NINL: variants seen among roughly 807,000 people sequenced by gnomAD.
NINL encodes ninein like, also known as ninein-like protein.
A neutral mutation model predicts 160.3 loss-of-function variants in NINL; 153 were observed. The observed-to-expected ratio is 0.95, with a 90% confidence interval of 0.84 to 1.09. NINL has a LOEUF of 1.09. Among genes scored for constraint, NINL ranks in the 50% least tolerant of loss-of-function variants. The pLI is 0.00. For missense variants in NINL, 1,829 were observed against 1,764.0 expected (o/e 1.04, Z -0.66); for synonymous variants, 800 against 734.8 (o/e 1.09, Z -1.43).
intron 11 of NINL, among the ~76,000 whole-genome samples, chr20:25,490,588 G>C (rs969925575): frequency 6.6e-6 from 1 of 151,816 alleles, no homozygotes; most frequent in African/African-American, 2.4e-5. Context: ...AAAAAGAAAG[G>C]GTGGGGAATA....
chr20:25,487,819 G>A (rs933866399), intron 13 of NINL, among the ~76,000 whole-genome samples: 1 of 152,228 alleles, frequency 6.6e-6, no homozygotes, highest in African/African-American at 2.4e-5. Flanking sequence ...AGAGCAGGGT[G>A]GGGTGAGACC....
chr20:25,542,095 G>T (rs1187403271), intron 1 of NINL, among the ~76,000 whole-genome samples: 1 of 152,218 alleles, frequency 6.6e-6, no homozygotes, highest in Non-Finnish European at 1.5e-5. Context: ...GTGTCTGGCT[G>T]GTGCCAGAGT....
intron 1 of NINL, among the ~76,000 whole-genome samples, chr20:25,560,503 G>A (rs6083880): frequency 4.6e-5 from 7 of 152,214 alleles, no homozygotes; most frequent in African/African-American, 1.7e-4. Flanking sequence ...GATGGGCACA[G>A]GCATCCTGAC....
chr20:25,518,101 AGGAAAGAG>A (rs2064193272), intron 2 of NINL, among the ~76,000 whole-genome samples: 1 of 152,240 alleles, frequency 6.6e-6, no homozygotes, highest in Non-Finnish European at 1.5e-5. Flanking sequence ...CAACATAATT[AGGAAAGAG>A]GGATCTGATG....
At chr20:25,479,293 G>T (rs368560800) in intron 15 of NINL, 87 bp from the exon 16 acceptor site, 1 of 1,499,340 alleles carries the variant, frequency 6.7e-7, no homozygotes. Context: ...GAAGCTGCCT[G>T]GCACAACGTG....
chr20:25,579,560 C>G (rs1237498466), intron 1 of NINL, among the ~76,000 whole-genome samples: 1 of 152,154 alleles, frequency 6.6e-6, no homozygotes, highest in Admixed American at 6.5e-5. Flanking sequence ...TCCTTCCTGT[C>G]CCCACACCCC....
chr20:25,479,153 C>G lies in NINL; in HGVS notation c.1971G>C (p.Glu657Asp), dbSNP rs1351414431. 6.2e-7 allele frequency: 1 copy of G among 1,612,986 alleles called. No homozygotes were observed. The highest frequency in any genetic ancestry group is 8.5e-7 in the Non-Finnish European group (1 of 1,179,652). Residue 657 changes from glutamate to aspartate, a missense_variant, in exon 16 of 24, where the codon GAG becomes GAC. Transcript: ENST00000278886. ...IAALKRNFEK[E>D]RKDMEQARRR... ...TGCGAGCCTGCTCCATGTCCTTCCT[C>G]TCCTTCTCAAAGTTCCTTTTCAGTG...
intron 1 of NINL, among the ~76,000 whole-genome samples, chr20:25,569,672 G>C (rs182511969): frequency 6.6e-6 from 1 of 152,220 alleles, no homozygotes; most frequent in Admixed American, 6.5e-5. Context: ...AGAGGCCGAC[G>C]ACTGGTAACC....
chr20:25,488,221 C>A (rs776040118), intron 13 of NINL, among the ~76,000 whole-genome samples: 1 of 152,106 alleles, frequency 6.6e-6, no homozygotes, highest in Non-Finnish European at 1.5e-5. Flanking sequence ...GACTTCCTTG[C>A]GCTCATTCTC....
At chr20:25,575,823 G>A (rs2065109343) in intron 1 of NINL, among the ~76,000 whole-genome samples, 1 of 151,408 alleles carries the variant, frequency 6.6e-6, no homozygotes, top group African/African-American at 2.4e-5. Flanking sequence ...TCACTCGGCT[G>A]GCTTCACCAC....
At chr20:25,557,414 C>G (rs954813780) in intron 1 of NINL, among the ~76,000 whole-genome samples, 6 of 152,010 alleles carry the variant, frequency 3.9e-5, no homozygotes, top group African/African-American at 1.5e-4. Context: ...GCCTGTAATT[C>G]CAGCTACTCG....
At chr20:25,548,037 T>A (rs1282816657) in intron 1 of NINL, among the ~76,000 whole-genome samples, 1 of 152,228 alleles carries the variant, frequency 6.6e-6, no homozygotes, top group Non-Finnish European at 1.5e-5. Flanking sequence ...CTGGGACAGC[T>A]ATACTCCTGG....
chr20:25,579,565 C>T (rs2083768819), intron 1 of NINL, among the ~76,000 whole-genome samples: 1 of 152,172 alleles, frequency 6.6e-6, no homozygotes, highest in African/African-American at 2.4e-5. Context: ...CCTGTCCCCA[C>T]ACCCCCACGC....
rs752318835 is a variant in NINL, at chr20:25,491,486, C to T, written c.1350G>A (p.Leu450=). ...CTCGCTCCGCCTCCACCTCAGACCG[C>T]AGGAGGCTCAGCCTTTCCCGGTACC... ...EQGYRERLSL[L]RSEVEAEREL... The change falls in exon 11 of 24, where the codon CTG becomes CTA. Residue 450 remains leucine (L), a synonymous_variant. Transcript: ENST00000278886. 6 of 1,613,954 alleles carry T rather than the reference C, an allele frequency of 3.7e-6. No individual in the cohort carries two copies. The highest frequency in any genetic ancestry group is 4.2e-6 in the Non-Finnish European group (5 of 1,180,014).
chr20:25,493,235 CA>C (rs2063677012), intron 10 of NINL, among the ~76,000 whole-genome samples: 1 of 152,156 alleles, frequency 6.6e-6, no homozygotes, highest in African/African-American at 2.4e-5. Flanking sequence ...AAGTGTCTCA[CA>C]AGGAGCACTC....
At chr20:25,467,740 G>GT (rs151115848) in intron 18 of NINL, among the ~76,000 whole-genome samples, 1,904 of 152,296 alleles carry the variant, frequency 0.013, 35 homozygotes, top group African/African-American at 0.04. Context: ...TGCCAGCACT[G>GT]TAAGAACGCA....
At chr20:25,538,880 G>A (rs1364358741) in intron 1 of NINL, among the ~76,000 whole-genome samples, 2 of 152,116 alleles carry the variant, frequency 1.3e-5, no homozygotes, top group African/African-American at 4.8e-5. Flanking sequence ...AGGGAGCACA[G>A]AGCTGGGCTT....
chr20:25,557,551 A>G (rs189195569), intron 1 of NINL, among the ~76,000 whole-genome samples: 1 of 152,162 alleles, frequency 6.6e-6, no homozygotes, highest in East Asian at 1.9e-4. Flanking sequence ...AAAGGAAAAA[A>G]AAAAGAGTAC....
chr20:25,461,467 A>T, intron 21 of NINL, 55 bp downstream of exon 21: 1 of 1,072,096 alleles, frequency 9.3e-7, no homozygotes, highest in Non-Finnish European at 1.4e-6. Flanking sequence ...CACTGCGGTG[A>T]TGCTGCTCCC....
Sources: gnomAD v4.1 joint callset for allele counts (sites outside exome capture counted in the v4.1 genomes callset) on GRCh38, gnomAD v4.1.1 for gene constraint, MANE v1.5 for transcripts, NCBI Gene and HGNC (gene_info 2026-07-23, HGNC 2026-07-21) for gene names.